Variants in PRR16 observed in about 807,000 individuals in gnomAD.
PRR16 encodes protein Largen.
Under a neutral mutation model 18.2 loss-of-function variants are expected in PRR16, and 6 were observed. The observed-to-expected ratio is 0.33, with a 90% CI of 0.18 to 0.65. PRR16 has a LOEUF of 0.65. Among genes scored for constraint, PRR16 ranks in the 30% least tolerant of loss-of-function variants. The pLI is 0.74. For missense variants in PRR16, 412 were observed against 376.6 expected, an observed-to-expected ratio of 1.09 and a Z score of -0.78; for synonymous variants, 151 against 147.8, an observed-to-expected ratio of 1.02 and a Z score of -0.16.
intron 1 of PRR16, among the ~76,000 whole-genome samples, chr5:120,625,026 C>G (rs1754818541): frequency 6.6e-6 from 1 of 152,170 alleles, no homozygotes; most frequent in Admixed American, 6.6e-5. Context: ...AACTGTAAGT[C>G]CAATAAACCT....
chr5:120,763,881 A>G, the PRR16 span, among the ~76,000 whole-genome samples: 3 of 152,214 alleles, frequency 2.0e-5, no homozygotes, highest in East Asian at 5.8e-4. Flanking sequence ...ATATACAGAT[A>G]TGCTACTGAT....
intron 1 of PRR16, among the ~76,000 whole-genome samples, chr5:120,474,658 T>A (rs768008464): frequency 5.9e-5 from 9 of 152,120 alleles, no homozygotes; most frequent in Non-Finnish European, 1.2e-4. Context: ...TTCCCTTAAT[T>A]CAACCTACTT....
At chr5:120,782,168 T>A in the PRR16 span, among the ~76,000 whole-genome samples, 2 of 152,178 alleles carry the variant, frequency 1.3e-5, no homozygotes, top group Admixed American at 6.5e-5. Context: ...TGGACTTTAA[T>A]GTAAAAGTTT....
At chr5:120,609,096 A>G (rs962204785) in intron 1 of PRR16, among the ~76,000 whole-genome samples, 1 of 151,324 alleles carries the variant, frequency 6.6e-6, no homozygotes, top group Non-Finnish European at 1.5e-5. Context: ...TTTTTTTTTC[A>G]ACAACTTTAT....
At chr5:120,760,584 A>G in the PRR16 span, among the ~76,000 whole-genome samples, 2 of 152,050 alleles carry the variant, frequency 1.3e-5, no homozygotes, top group East Asian at 3.9e-4. Context: ...ATATCCCCTT[A>G]GCATTTACCT....
At chr5:120,638,736 C>T (rs1418448757) in intron 1 of PRR16, among the ~76,000 whole-genome samples, 1 of 152,032 alleles carries the variant, frequency 6.6e-6, no homozygotes, top group African/African-American at 2.4e-5. Flanking sequence ...CACATATACC[C>T]TAACACACTC....
the PRR16 span, among the ~76,000 whole-genome samples, chr5:120,782,458 C>A: frequency 1.3e-5 from 2 of 152,150 alleles, no homozygotes; most frequent in Non-Finnish European, 2.9e-5. Context: ...GGGACAGTGA[C>A]ACGTGACTAG....
the PRR16 span, among the ~76,000 whole-genome samples, chr5:120,716,527 T>G: frequency 9.8e-5 from 15 of 152,308 alleles, no homozygotes; most frequent in African/African-American, 3.6e-4. Flanking sequence ...CGTTTTAATC[T>G]GCCTGGTACC....
At chr5:120,473,473 T>C (rs1749335422) in intron 1 of PRR16, among the ~76,000 whole-genome samples, 1 of 152,328 alleles carries the variant, frequency 6.6e-6, no homozygotes, top group East Asian at 1.9e-4. Context: ...GTTTTCATTT[T>C]CTCCATAGTG....
intron 1 of PRR16, among the ~76,000 whole-genome samples, chr5:120,493,692 G>C (rs1351575982): frequency 6.6e-6 from 1 of 152,118 alleles, no homozygotes; most frequent in African/African-American, 2.4e-5. Context: ...CTCTACTGTT[G>C]ACATAGACTT....
the PRR16 span, among the ~76,000 whole-genome samples, chr5:120,768,484 C>T: frequency 3.3e-5 from 5 of 151,068 alleles, no homozygotes; most frequent in Non-Finnish European, 7.4e-5. Context: ...ATTGACTTTC[C>T]GACTTTGTCT....
At chr5:120,470,613 G>T (rs919504374) in intron 1 of PRR16, among the ~76,000 whole-genome samples, 42 of 151,990 alleles carry the variant, frequency 2.8e-4, no homozygotes, top group African/African-American at 9.7e-4. Context: ...GCTTTTCATG[G>T]TTATTAAACG....
At chr5:120,607,717 TATC>T (rs1754199361) in intron 1 of PRR16, among the ~76,000 whole-genome samples, 1 of 152,220 alleles carries the variant, frequency 6.6e-6, no homozygotes, top group South Asian at 2.1e-4. Flanking sequence ...AAAAAAATCT[TATC>T]ATTAGGGTTG....
the PRR16 span, among the ~76,000 whole-genome samples, chr5:120,740,659 A>G: frequency 6.6e-6 from 1 of 152,142 alleles, no homozygotes; most frequent in African/African-American, 2.4e-5. Flanking sequence ...GGTAGTTTAA[A>G]TCTTCAGCTA....
At chr5:120,674,173 C>T (rs1272785318) in intron 1 of PRR16, among the ~76,000 whole-genome samples, 1 of 152,114 alleles carries the variant, frequency 6.6e-6, no homozygotes, top group Non-Finnish European at 1.5e-5. Flanking sequence ...ATGCCATCTA[C>T]CTACTTTATT....
chr5:120,673,397 C>T (rs1274531739), intron 1 of PRR16, among the ~76,000 whole-genome samples: 1 of 152,152 alleles, frequency 6.6e-6, no homozygotes, highest in Non-Finnish European at 1.5e-5. Context: ...AAACCAGGTA[C>T]TTTGGTCTTA....
chr5:120,485,857 T>C (rs553937355), intron 1 of PRR16, among the ~76,000 whole-genome samples: 1 of 152,234 alleles, frequency 6.6e-6, no homozygotes, highest in East Asian at 1.9e-4. Flanking sequence ...TGTCCATGTG[T>C]TCTCATTGTT....
At chr5:120,712,341 A>C in the PRR16 span, among the ~76,000 whole-genome samples, 1 of 152,134 alleles carries the variant, frequency 6.6e-6, no homozygotes, top group East Asian at 1.9e-4. Context: ...AGACTTATTT[A>C]TTCTACATAA....
At chr5:120,669,701 C>G (rs913051669) in intron 1 of PRR16, among the ~76,000 whole-genome samples, 5 of 151,968 alleles carry the variant, frequency 3.3e-5, no homozygotes, top group African/African-American at 1.2e-4. Context: ...TTAAACGTCA[C>G]AATTGTTTCA....
Sources: allele counts gnomAD v4.1 joint callset (sites outside exome capture counted in the v4.1 genomes callset), GRCh38; gene constraint gnomAD v4.1.1; transcripts MANE v1.5; gene names NCBI Gene and HGNC (gene_info 2026-07-23, HGNC 2026-07-21).